Variants in CEP78 observed in about 807,000 individuals in gnomAD.
The protein encoded by CEP78 is centrosomal protein of 78 kDa.
Under a neutral mutation model 81.2 loss-of-function variants are expected in CEP78, and 76 were observed. The ratio of observed to expected loss-of-function variants is 0.94; its 90% CI spans 0.78 to 1.13. The LOEUF (loss-of-function observed/expected upper bound fraction) is 1.13. Ranked by LOEUF, CEP78 falls within the 50% of genes most tolerant of loss-of-function variation. The pLI, the probability that CEP78 is intolerant of heterozygous loss-of-function variation, is 0.00. For synonymous variants in CEP78, 293 were observed against 301.4 expected (o/e 0.97, Z 0.29); for missense variants, 918 against 846.8 (o/e 1.08, Z -1.04).
In CEP78 at chr9:78,248,862, CTAT is replaced by C; in HGVS notation, c.1061_1063del (p.Ile354del). The C allele has an allele frequency of 6.4e-7, 1 of 1,559,762 alleles. No homozygotes were observed. Among genetic ancestry groups the C allele is most frequent in the Non-Finnish European group, 8.8e-7 (1 of 1,142,062 alleles). On this transcript the variant is annotated inframe_deletion, in exon 8 of 17. Transcript: ENST00000643273. Reference sequence around the variant, plus strand: ...GGAAGTGGTCACAAAGGAAAAGCTACTATTAGAATTGGTAACCTTTTCTGTCTT... The same window carrying C: ...GGAAGTGGTCACAAAGGAAAAGCTACTAGAATTGGTAACCTTTTCTGTCTT...
intron 5 of CEP78, among the ~76,000 whole-genome samples, chr9:78,244,107 T>C (rs1367546841): frequency 1.3e-5 from 2 of 151,740 alleles, no homozygotes; most frequent in Non-Finnish European, 2.9e-5. Context: ...ACTCCTTATG[T>C]ATACATCTCT....
intron 12 of CEP78, 115 bp downstream of exon 12, chr9:78,263,099 A>T: frequency 2.0e-6 from 1 of 495,992 alleles, no homozygotes; most frequent in South Asian, 3.6e-5. Flanking sequence ...AGTGTATTGC[A>T]AATGGTCACA....
At chr9:78,239,286 G>T (rs1202662707) in intron 1 of CEP78, among the ~76,000 whole-genome samples, 2 of 152,072 alleles carry the variant, frequency 1.3e-5, no homozygotes, top group Non-Finnish European at 2.9e-5. Flanking sequence ...GTTGAGCTTG[G>T]TTTTTCTCAG....
Position 78,252,003 on chromosome 9 carries a change from T to A in CEP78, c.1165T>A (p.Phe389Ile). 1.2e-6 allele frequency: 2 copies of A among 1,605,662 alleles called. No homozygotes were observed. The highest frequency in any genetic ancestry group is 1.7e-4 in the Middle Eastern group (1 of 6,036). The change falls in exon 9 of 17, where the codon TTC (phenylalanine) becomes ATC (isoleucine). Residue 389 changes from phenylalanine to isoleucine, a missense_variant. Physicochemically the swap from Phe to Ile is conservative, Grantham distance 21 (BLOSUM62 0). Coordinates refer to ENST00000643273, the MANE Select transcript of CEP78 (RefSeq NM_001330691.3). ...PAPLPPGVSG[F>I]LPWRTAERAK... ...ACCTCTTCCACCTGGTGTGTCTGGT[T>A]TCTTGCCGTGGCGTACTGCAGAACG... is the stretch of plus-strand genomic sequence containing the variant.
At chr9:78,255,411 T>G (rs1826972572) in intron 11 of CEP78, among the ~76,000 whole-genome samples, 1 of 152,140 alleles carries the variant, frequency 6.6e-6, no homozygotes, top group Admixed American at 6.5e-5. Flanking sequence ...TAATTATCCT[T>G]TTTTTATATA....
rs1183407087 is a variant in CEP78 at position 78,278,551 on chromosome 9, A to G, written c.*7700A>G. The G allele has an allele frequency of 1.3e-5, 2 of 152,228 alleles. No homozygotes were observed. The highest frequency in any genetic ancestry group is 2.9e-5 in the Non-Finnish European group (2 of 68,048). The allele number at this position is 152,228 out of a possible 1,614,324, so 9.4% of individuals were successfully genotyped here. A position where few individuals can be genotyped will look rare whatever the true frequency, so the allele number is the denominator to read the frequency against. On this transcript the variant is annotated 3_prime_UTR_variant, in exon 17 of 17. Transcript: ENST00000643273. Reference sequence around the variant, plus strand: ...GTTCTGTTCTATTCCTTGCCTTTAAAGAAAATTATGTTGGCAACTCACGAA... The same window carrying G: ...GTTCTGTTCTATTCCTTGCCTTTAAGGAAAATTATGTTGGCAACTCACGAA...
chr9:78,261,324 G>T (rs1405910046), intron 11 of CEP78, among the ~76,000 whole-genome samples: 1 of 152,090 alleles, frequency 6.6e-6, no homozygotes, highest in East Asian at 1.9e-4. Flanking sequence ...GATATTCAAG[G>T]GTTGTTGTAC....
rs1469107959 is a variant in CEP78, at chr9:78,253,242, T to C, written c.1216T>C (p.Leu406=). ...ERAKRHRGFP[L]IKTRDICNQL... is the part of the protein sequence containing the mutation. ...TCGATATCTTTTTAGGGGTTTCCCATTAATCAAAACACGTGATATATGTAA... is the reference window on the plus strand; with the variant it reads ...TCGATATCTTTTTAGGGGTTTCCCACTAATCAAAACACGTGATATATGTAA... Residue 406 remains leucine, a synonymous_variant, in exon 10 of 17, where the codon TTA becomes CTA. Transcript: ENST00000643273. 1 of 1,353,766 alleles carries C rather than the reference T, an allele frequency of 7.4e-7. No homozygotes were observed. The allele number at this position is 1,353,766 out of a possible 1,614,324, so 83.9% of individuals were successfully genotyped here.
At chr9:78,249,467 T>A (rs188604269) in intron 8 of CEP78, 1 of 152,286 alleles carries the variant, frequency 6.6e-6, no homozygotes, top group East Asian at 1.9e-4. Context: ...ATTCCCTAAA[T>A]GTTTGCTATT....
chr9:78,247,918 G>C (rs1222110017), intron 6 of CEP78, among the ~76,000 whole-genome samples: 2 of 152,210 alleles, frequency 1.3e-5, no homozygotes, highest in African/African-American at 4.8e-5. Context: ...GAGAAGAGCA[G>C]CTTTGGGGGC....
At chr9:78,266,982 C>A in intron 16 of CEP78, 1 of 1,385,792 alleles carries the variant, frequency 7.2e-7, no homozygotes, top group South Asian at 1.5e-5. Flanking sequence ...AGAAAGCATC[C>A]ATTCTCTATC....
At chr9:78,245,310 G>A (rs1198215272) in intron 5 of CEP78, among the ~76,000 whole-genome samples, 1 of 152,118 alleles carries the variant, frequency 6.6e-6, no homozygotes, top group Non-Finnish European at 1.5e-5. Flanking sequence ...AGATCCAGAT[G>A]CCAGTAGATA....
chr9:78,264,210 G>T lies in CEP78; in HGVS notation c.1519G>T (p.Ala507Ser). 1 of 1,598,042 alleles carries T rather than the reference G, an allele frequency of 6.3e-7. No homozygotes were observed. Among genetic ancestry groups the T allele is most frequent in the African/African-American group, 1.4e-5 (1 of 73,632 alleles). ...TTTCTCTTTGTCTGAAGCCCTTCAT[G>T]CACAGTCATTGACAAATATGATCCT... Reference protein sequence around the residue: ...INFSLSEALHAQSLTNMILDD... With the variant: ...INFSLSEALHSQSLTNMILDD... Residue 507 changes from alanine to serine, a missense_variant, in exon 13 of 17, where the codon GCA (alanine) becomes TCA (serine). Transcript: ENST00000643273.
chr9:78,279,439 A>G lies in CEP78; in HGVS notation c.*8588A>G, dbSNP rs914032500. 2.0e-5 allele frequency: 3 copies of G among 152,192 alleles called. No homozygotes were observed. Among genetic ancestry groups the G allele is most frequent in the African/African-American group, 4.8e-5 (2 of 41,432 alleles). The allele number at this position is 152,192 out of a possible 1,614,324, so 9.4% of individuals were successfully genotyped here. ...GTAACCAGATAGGAGACACTTTTGTATATTATTCCAAATATTGCAAACCTA... is the reference window on the plus strand; with the variant it reads ...GTAACCAGATAGGAGACACTTTTGTGTATTATTCCAAATATTGCAAACCTA... On this transcript the variant is annotated 3_prime_UTR_variant, in exon 17 of 17. Coordinates refer to ENST00000643273, the MANE Select transcript of CEP78 (RefSeq NM_001330691.3).
intron 16 of CEP78, 70 bp downstream of exon 16, chr9:78,266,773 C>G (rs1456039497): frequency 3.2e-6 from 5 of 1,562,266 alleles, no homozygotes; most frequent in Non-Finnish European, 4.3e-6. Context: ...TCTGACTGTC[C>G]TGAAAACCAG....
At chr9:78,265,695 G>A (rs1038149311) in intron 14 of CEP78, among the ~76,000 whole-genome samples, 152 bp downstream of exon 14, 1 of 152,184 alleles carries the variant, frequency 6.6e-6, no homozygotes, top group Non-Finnish European at 1.5e-5. Context: ...TAGTAAGTTT[G>A]TGCCCATTTC....
chr9:78,265,518 C>T lies in CEP78; in HGVS notation c.1772C>T (p.Ala591Val). 1 of 1,573,958 alleles carries T rather than the reference C, an allele frequency of 6.4e-7. No homozygotes were observed. The highest frequency in any genetic ancestry group is 8.6e-7 in the Non-Finnish European group (1 of 1,159,326). ...GAAAAACCAGAACCGAAGCAGAATG[C>T]CCTAGGGCAAATGCAAAATATCCAG... is the stretch of plus-strand genomic sequence containing the variant. ...EDEKPEPKQNALGQMQNIQVS... is the reference protein window; with the variant it reads ...EDEKPEPKQNVLGQMQNIQVS... Residue 591 changes from alanine (A) to valine (V), a missense_variant, in exon 14 of 17, where the codon GCC (alanine) becomes GTC (valine). By Grantham distance (64) the Ala-to-Val change is moderately conservative. Coordinates refer to ENST00000643273, the MANE Select transcript of CEP78 (RefSeq NM_001330691.3).
In CEP78 at chr9:78,248,893, C is replaced by G. The variant is rs1826627203; in HGVS notation, c.1069+20C>G. 2 of 1,208,776 alleles carry G rather than the reference C, an allele frequency of 1.7e-6. No homozygotes were observed. Among genetic ancestry groups the G allele is most frequent in the Non-Finnish European group, 2.4e-6 (2 of 839,278 alleles). The allele number at this position is 1,208,776 out of a possible 1,614,324, so 74.9% of individuals were successfully genotyped here. On this transcript the variant is annotated intron_variant, in intron 8 of 16. Coordinates refer to ENST00000643273, the MANE Select transcript of CEP78 (RefSeq NM_001330691.3). ...GAATTGGTAACCTTTTCTGTCTTGG[C>G]TTTTTAATGCTACTAGTGTTCTAGT...
At chr9:78,264,437 C>T (rs1193876652) in intron 13 of CEP78, 121 bp downstream of exon 13, 4 of 674,702 alleles carry the variant, frequency 5.9e-6, no homozygotes, top group Non-Finnish European at 9.4e-6. Context: ...ATAAGTAATA[C>T]ACTTGATTTT....
Sources: allele counts gnomAD v4.1 joint callset (sites outside exome capture counted in the v4.1 genomes callset), GRCh38; gene constraint gnomAD v4.1.1; transcripts MANE v1.5; gene names NCBI Gene and HGNC (gene_info 2026-07-23, HGNC 2026-07-21).